Variants in PRR11 observed in about 807,000 individuals in gnomAD.
PRR11 encodes proline-rich protein 11.
PRR11 carries 30 observed loss-of-function variants against 45.6 expected under a neutral mutation model. That is an observed-to-expected ratio of 0.66 (90% confidence interval 0.49 to 0.89). The LOEUF (loss-of-function observed/expected upper bound fraction) is 0.89. PRR11 is among the 40% of genes least tolerant of loss of function. The pLI, the probability that PRR11 is intolerant of heterozygous loss-of-function variation, is 0.00. For missense variants in PRR11, 373 were observed against 424.8 expected, an observed-to-expected ratio of 0.88 and a Z score of 1.07; for synonymous variants, 128 against 153.5, an observed-to-expected ratio of 0.83 and a Z score of 1.23.
In PRR11 at chr17:59,165,499, A is replaced by T. The variant is rs549269988; in HGVS notation, c.-5-4249A>T. Among the ~76,000 whole-genome samples the T allele has an allele frequency of 3.0e-3, 460 of 151,774 alleles. 2 individuals are homozygous for T. The highest frequency in any genetic ancestry group is 0.011 in the African/African-American group (444 of 41,418). ...CTACAGGCTTGTGTTGTTTTAAATT[A>T]AAAAAAATCAGGGCTGGGTGCAGTG... is the stretch of plus-strand genomic sequence containing the variant. On this transcript the variant is annotated intron_variant, in intron 1 of 9. Transcript: ENST00000262293.
intron 4 of PRR11, among the ~76,000 whole-genome samples, chr17:59,189,013 G>A (rs2046827945): frequency 6.6e-6 from 1 of 150,856 alleles, no homozygotes; most frequent in Non-Finnish European, 1.5e-5. Flanking sequence ...ATTCAGAACA[G>A]TGTTTATAGG....
chr17:59,162,867 A>G (rs551203358), intron 1 of PRR11, among the ~76,000 whole-genome samples: 30 of 149,762 alleles, frequency 2.0e-4, no homozygotes, highest in African/African-American at 7.1e-4. Flanking sequence ...AGCTGGGATT[A>G]CTGGCATGCA....
At chr17:59,180,493 C>CTTTTTTTTTTTTTTTTTTTT (rs757636718) in intron 2 of PRR11, among the ~76,000 whole-genome samples, 1 of 118,244 alleles carries the variant, frequency 8.5e-6, no homozygotes. Context: ...TGGGCCCGTC[C>CTTTTTTTTTTTTTTTTTTTT]TTGTTTTTTT....
At chr17:59,175,510 C>G (rs2046739473) in intron 2 of PRR11, among the ~76,000 whole-genome samples, 1 of 152,150 alleles carries the variant, frequency 6.6e-6, no homozygotes, top group East Asian at 1.9e-4. Flanking sequence ...GCCTGTAATC[C>G]CAGCAATTTG....
At chr17:59,181,286 C>A (rs1047396928) in intron 2 of PRR11, among the ~76,000 whole-genome samples, 7 of 151,798 alleles carry the variant, frequency 4.6e-5, no homozygotes, top group African/African-American at 1.7e-4. Context: ...CAGCGCCCAG[C>A]CCAAAACCAA....
chr17:59,194,207 T>G (rs1829545987), intron 5 of PRR11, among the ~76,000 whole-genome samples: 1 of 151,444 alleles, frequency 6.6e-6, no homozygotes, highest in African/African-American at 2.4e-5. Context: ...ATCTGCTGAA[T>G]TTTCACTATG....
chr17:59,163,004 C>T (rs2046661386), intron 1 of PRR11, among the ~76,000 whole-genome samples: 1 of 151,868 alleles, frequency 6.6e-6, no homozygotes, highest in Non-Finnish European at 1.5e-5. Flanking sequence ...TGCTGGGTTA[C>T]AGGCATGAGC....
chr17:59,186,633 G>T (rs1007759629), intron 4 of PRR11, among the ~76,000 whole-genome samples: 1 of 151,998 alleles, frequency 6.6e-6, no homozygotes, highest in Non-Finnish European at 1.5e-5. Context: ...GGCCTCAAGT[G>T]ATCCTCCTAC....
In PRR11 at chr17:59,205,210, G is replaced by A. The variant is rs3087593; in HGVS notation, c.*3579G>A. 0.26 allele frequency among the ~76,000 whole-genome samples: 40,001 copies of A among 151,840 alleles called. 5,941 individuals carry two copies. Among genetic ancestry groups the A allele is most frequent in the African/African-American group, 0.39 (16,325 of 41,400 alleles). On this transcript the variant is annotated 3_prime_UTR_variant, in exon 10 of 10. Coordinates refer to ENST00000262293, the MANE Select transcript of PRR11 (RefSeq NM_018304.4). Reference sequence around the variant, plus strand: ...GACAGATTTTATATTGTAACCATTCGAGAACTCTGTAAGTGCTATGGCTTC... The same window carrying A: ...GACAGATTTTATATTGTAACCATTCAAGAACTCTGTAAGTGCTATGGCTTC...
intron 4 of PRR11, among the ~76,000 whole-genome samples, chr17:59,190,544 C>T (rs543045011): frequency 3.3e-5 from 5 of 152,096 alleles, no homozygotes; most frequent in African/African-American, 1.2e-4. Context: ...TAAGAAAGCA[C>T]CTAGAAGGCT....
At chr17:59,194,143 C>T (rs149207014) in intron 5 of PRR11, among the ~76,000 whole-genome samples, 1 of 152,106 alleles carries the variant, frequency 6.6e-6, no homozygotes, top group East Asian at 1.9e-4. Flanking sequence ...ACTTATTTAC[C>T]AAGGGGACCA....
Position 59,185,117 on chromosome 17 carries a change from C to A in PRR11, c.192C>A (p.Phe64Leu), listed in dbSNP as rs201630179. The A allele has an allele frequency of 7.4e-6, 12 of 1,611,144 alleles. No individual in the cohort carries two copies. In the African/African-American group the frequency reaches 1.6e-4, roughly 22 times the overall value. ...GCTGGCTAACATCATCCTGGAACTT[C>A]AATTTTCCTAACATCAGAGATGCAA... ...SRSWLTSSWN[F>L]NFPNIRDAIK... The change falls in exon 3 of 10, where the codon TTC (phenylalanine) becomes TTA (leucine). Residue 64 changes from phenylalanine to leucine, a missense_variant. Physicochemically the swap from Phe to Leu is conservative, Grantham distance 22. Coordinates refer to ENST00000262293, the MANE Select transcript of PRR11 (RefSeq NM_018304.4).
intron 2 of PRR11, among the ~76,000 whole-genome samples, chr17:59,172,313 A>AC (rs1160984850): frequency 1.3e-5 from 2 of 152,096 alleles, no homozygotes; most frequent in Non-Finnish European, 2.9e-5. Context: ...AACCAGAAAC[A>AC]CCCCTGGTTT....
intron 1 of PRR11, among the ~76,000 whole-genome samples, chr17:59,169,093 CTTTTTTTTT>C (rs780548478): frequency 9.4e-6 from 1 of 106,724 alleles, no homozygotes; most frequent in African/African-American, 3.9e-5. Flanking sequence ...GAAACATATT[CTTTTTTTTT>C]TTTTTTTTTT....
Position 59,172,946 on chromosome 17 carries a change from C to T in PRR11, c.128+3066C>T, listed in dbSNP as rs117895823. 9.7e-3 allele frequency among the ~76,000 whole-genome samples: 1,472 copies of T among 152,360 alleles called. 12 individuals are homozygous for T. The highest frequency in any genetic ancestry group is 0.024 in the Middle Eastern group (7 of 294). On this transcript the variant is annotated intron_variant, in intron 2 of 9. Transcript: ENST00000262293. ...TGGCAGGCAGCTCCAACTGCCCTCC[C>T]GGTGCGAGATCCACTGGGTGAAGCC...
At chr17:59,193,188 G>C (rs1158898995) in intron 4 of PRR11, among the ~76,000 whole-genome samples, 2 of 152,164 alleles carry the variant, frequency 1.3e-5, no homozygotes, top group Non-Finnish European at 2.9e-5. Context: ...TGGGATTACA[G>C]GTGTGCACCA....
intron 2 of PRR11, chr17:59,179,959 CTCCA>C: frequency 2.5e-6 from 3 of 1,218,398 alleles, no homozygotes; most frequent in Non-Finnish European, 3.5e-6. Flanking sequence ...CCAAACCACT[CTCCA>C]TCCTCCCCAG....
intron 1 of PRR11, among the ~76,000 whole-genome samples, chr17:59,165,835 C>T (rs1324043194): frequency 6.6e-6 from 1 of 150,476 alleles, no homozygotes; most frequent in Non-Finnish European, 1.5e-5. Flanking sequence ...ATCCTTTAGA[C>T]ATCCCTTGTG....
At chr17:59,173,765 C>T (rs763045249) in intron 2 of PRR11, among the ~76,000 whole-genome samples, 32 of 152,272 alleles carry the variant, frequency 2.1e-4, no homozygotes, top group Non-Finnish European at 2.8e-4. Flanking sequence ...TCTGGGAGGA[C>T]GACTTGATCA....
Sources: gnomAD v4.1 joint callset for allele counts (sites outside exome capture counted in the v4.1 genomes callset) on GRCh38, gnomAD v4.1.1 for gene constraint, MANE v1.5 for transcripts, NCBI Gene and HGNC (gene_info 2026-07-23, HGNC 2026-07-21) for gene names.